The following ROBO2 variants were observed in gnomAD, a reference collection of about 807,000 sequenced individuals.
The protein encoded by ROBO2 is roundabout homolog 2.
Under a neutral mutation model 160.8 loss-of-function variants are expected in ROBO2, and 53 were observed. That is an observed-to-expected ratio of 0.33 (90% CI 0.26 to 0.41). The LOEUF (loss-of-function observed/expected upper bound fraction) is 0.41, where lower values mean the gene tolerates loss of function less well. ROBO2 is among the 10% of genes least tolerant of loss of function. The pLI is 1.00. For missense variants in ROBO2, 1,577 were observed against 1,722.4 expected (o/e 0.92, Z 1.49); for synonymous variants, 664 against 611.7 (o/e 1.09, Z -1.26).
chr3:76,522,129 G>A (rs1381688815), intron 2 of ROBO2, among the ~76,000 whole-genome samples: 2 of 152,094 alleles, frequency 1.3e-5, no homozygotes, highest in African/African-American at 4.8e-5. Flanking sequence ...GCAAAAAAAT[G>A]TTTTTCCCTC....
chr3:76,497,585 T>C (rs1352707333), intron 2 of ROBO2, among the ~76,000 whole-genome samples: 1 of 152,208 alleles, frequency 6.6e-6, no homozygotes. Context: ...TGCATCACCC[T>C]GGCTAGGCTG....
At chr3:76,637,344 C>A (rs868510350) in intron 2 of ROBO2, among the ~76,000 whole-genome samples, 5 of 151,702 alleles carry the variant, frequency 3.3e-5, no homozygotes, top group African/African-American at 1.2e-4. Flanking sequence ...TAGGTACTTA[C>A]ATTTTCTGAG....
At chr3:76,472,480 GA>G (rs1292518348) in intron 2 of ROBO2, among the ~76,000 whole-genome samples, 2 of 152,020 alleles carry the variant, frequency 1.3e-5, no homozygotes, top group African/African-American at 2.4e-5. Context: ...ATCTATACCT[GA>G]TACATTAATA....
chr3:76,063,191 A>G (rs73113016), intron 2 of ROBO2, among the ~76,000 whole-genome samples: 13,511 of 152,224 alleles, frequency 0.089, 800 homozygotes, highest in Non-Finnish European at 0.14. Flanking sequence ...CAGCTATGCA[A>G]AAGTTTTGCA....
At chr3:77,187,103 C>T (rs570197300) in intron 2 of ROBO2, among the ~76,000 whole-genome samples, 1 of 151,982 alleles carries the variant, frequency 6.6e-6, no homozygotes, top group East Asian at 1.9e-4. Context: ...AAGACTGATC[C>T]TTCATTGTAA....
rs537413036 is a variant in ROBO2 at position 76,959,946 on chromosome 3, C to G, written c.110-138068C>G. On this transcript the variant is annotated intron_variant, in intron 2 of 26. Coordinates refer to the ROBO2 transcript ENST00000487694. ...TCACTTCACATTTCTCATAATTTAT[C>G]CATCTTTTTTTTTATTTTACTGATT... Among the ~76,000 whole-genome samples the G allele has an allele frequency of 1.1e-4, 16 of 150,528 alleles. No homozygotes were observed. In the South Asian group the frequency reaches 3.3e-3, roughly 31 times the overall value.
chr3:76,946,754 G>T (rs565815732), intron 2 of ROBO2, among the ~76,000 whole-genome samples: 1 of 152,244 alleles, frequency 6.6e-6, no homozygotes, highest in East Asian at 1.9e-4. Flanking sequence ...ACATCCCTGA[G>T]AATCTTTTTC....
chr3:76,719,844 AC>A (rs2093437293), intron 2 of ROBO2, among the ~76,000 whole-genome samples: 1 of 150,540 alleles, frequency 6.6e-6, no homozygotes, highest in South Asian at 2.1e-4. Context: ...AGATTGCGCC[AC>A]TGCACTCCAG....
intron 24 of ROBO2, among the ~76,000 whole-genome samples, chr3:77,640,096 C>CT (rs1559785171): frequency 6.2e-5 from 6 of 97,476 alleles, no homozygotes; most frequent in Non-Finnish European, 9.8e-5. Context: ...GCAGAGGAAG[C>CT]ATTTTTTTTT....
chr3:77,349,327 A>C (rs1298017903), intron 2 of ROBO2, among the ~76,000 whole-genome samples: 2 of 152,188 alleles, frequency 1.3e-5, no homozygotes, highest in Admixed American at 6.5e-5. Context: ...TAAGTATCAA[A>C]GATTAAACCA....
At chr3:75,915,433 G>A (rs1946769938) in intron 1 of ROBO2, among the ~76,000 whole-genome samples, 1 of 152,132 alleles carries the variant, frequency 6.6e-6, no homozygotes, top group East Asian at 1.9e-4. Flanking sequence ...AGAAATTAAT[G>A]AGAAAATATA....
intron 2 of ROBO2, among the ~76,000 whole-genome samples, chr3:76,557,532 C>T (rs2083870030): frequency 6.6e-6 from 1 of 150,744 alleles, no homozygotes; most frequent in African/African-American, 2.4e-5. Context: ...AATTGTGCCT[C>T]AGTTGGTTTA....
intron 23 of ROBO2, chr3:77,631,255 T>A (rs2095156375): frequency 6.6e-6 from 1 of 152,136 alleles, no homozygotes; most frequent in Admixed American, 6.6e-5. Context: ...AGCTTCTGTT[T>A]TCTCTGTATT....
intron 5 of ROBO2, among the ~76,000 whole-genome samples, chr3:77,504,514 G>C (rs548506641): frequency 6.6e-5 from 10 of 151,606 alleles, no homozygotes; most frequent in African/African-American, 2.4e-4. Context: ...ACAAATAACA[G>C]AAACAAAAAA....
intron 2 of ROBO2, among the ~76,000 whole-genome samples, chr3:76,024,479 A>T (rs2066671321): frequency 6.6e-6 from 1 of 151,528 alleles, no homozygotes; most frequent in Non-Finnish European, 1.5e-5. Flanking sequence ...TTTTGGTGCA[A>T]TCCAAATACT....
chr3:77,340,171 T>G (rs1402193869), intron 2 of ROBO2, among the ~76,000 whole-genome samples: 1 of 152,124 alleles, frequency 6.6e-6, no homozygotes, highest in African/African-American at 2.4e-5. Flanking sequence ...GCACAGGTTT[T>G]TTATCAGATA....
chr3:76,857,915 T>C (rs1373474315), intron 2 of ROBO2, among the ~76,000 whole-genome samples: 1 of 152,158 alleles, frequency 6.6e-6, no homozygotes, highest in Non-Finnish European at 1.5e-5. Context: ...TAGGGTTCCT[T>C]AAAAAGGCCG....
chr3:76,600,790 T>C (rs1024086617), intron 2 of ROBO2, among the ~76,000 whole-genome samples: 1 of 152,076 alleles, frequency 6.6e-6, no homozygotes, highest in African/African-American at 2.4e-5. Context: ...GGCCTCACAT[T>C]TCAAAACCCA....
intron 1 of ROBO2, among the ~76,000 whole-genome samples, chr3:77,041,217 C>CTT (rs1308298903): frequency 6.6e-6 from 1 of 152,214 alleles, no homozygotes; most frequent in Admixed American, 6.5e-5. Flanking sequence ...TGTGTCTGAA[C>CTT]TTTGGCTGAG....
Sources: allele counts gnomAD v4.1 joint callset (sites outside exome capture counted in the v4.1 genomes callset), GRCh38; gene constraint gnomAD v4.1.1; transcripts MANE v1.5; gene names NCBI Gene and HGNC (gene_info 2026-07-23, HGNC 2026-07-21).